LRP6: variants seen among roughly 807,000 people sequenced by gnomAD.
LRP6 encodes LDL receptor related protein 6.
In LRP6, 43 loss-of-function variants were observed where a neutral mutation model predicts 184.1. The observed-to-expected ratio is 0.23, with a 90% CI of 0.18 to 0.30. The LOEUF (loss-of-function observed/expected upper bound fraction) is 0.30. LRP6 is among the 10% of genes least tolerant of loss of function. LRP6 has a pLI of 1.00. For missense variants in LRP6, 1,571 were observed against 2,005.3 expected (o/e 0.78, Z 4.14); for synonymous variants, 719 against 684.9 (o/e 1.05, Z -0.78).
intron 9 of LRP6, 144 bp downstream of exon 9, chr12:12,164,129 A>T (rs988646312): frequency 1.1e-3 from 234 of 219,390 alleles, no homozygotes; most frequent in Middle Eastern, 5.8e-3. Flanking sequence ...GACACCGTTT[A>T]AAAAAAAAAA....
At chr12:12,197,751 A>G (rs1380375482) in intron 3 of LRP6, among the ~76,000 whole-genome samples, 1 of 152,208 alleles carries the variant, frequency 6.6e-6, no homozygotes, top group Non-Finnish European at 1.5e-5. Context: ...TACTATAAGA[A>G]TTAAATTTAT....
In LRP6 at chr12:12,266,755, TTC is replaced by T; in HGVS notation, c.-22_-21del. 4 of 1,609,054 alleles carry T rather than the reference TTC, an allele frequency of 2.5e-6. No individual in the cohort carries two copies. Among genetic ancestry groups the T allele is most frequent in the Non-Finnish European group, 3.4e-6 (4 of 1,177,014 alleles). The stretch of plus-strand genomic sequence containing the variant: ...CCCCATCTTCCCTTCTCGCGTTCTC[TTC>T]TCTCACCGGCGAGGGGTGGCCAGAA... On this transcript the variant is annotated 5_prime_UTR_variant, in exon 1 of 23. Coordinates refer to ENST00000261349, the MANE Select transcript of LRP6 (RefSeq NM_002336.3).
rs906060196 is a variant in LRP6 at position 12,147,288 on chromosome 12, A to G, written c.3397+78T>C. ...ACTGCCAAGAAATGTGCCAAAAACA[A>G]TACGATGCAAGAAAAACACAATAGA... On this transcript the variant is annotated intron_variant, in intron 15 of 22. Coordinates refer to ENST00000261349, the MANE Select transcript of LRP6 (RefSeq NM_002336.3). 3.3e-6 allele frequency: 5 copies of G among 1,510,072 alleles called. No individual in the cohort carries two copies. The African/African-American group carries it at 5.5e-5, about 17-fold the overall frequency. The allele number at this position is 1,510,072 out of a possible 1,614,324, so 93.5% of individuals were successfully genotyped here. A position where few individuals can be genotyped will look rare whatever the true frequency, so the allele number is the denominator to read the frequency against.
chr12:12,131,580 A>G (rs1268176367), intron 18 of LRP6, among the ~76,000 whole-genome samples: 1 of 152,228 alleles, frequency 6.6e-6, no homozygotes, highest in Non-Finnish European at 1.5e-5. Context: ...ATTTTTATAT[A>G]CTGAAGGCCT....
At chr12:12,261,158 C>T (rs1591996487) in intron 1 of LRP6, among the ~76,000 whole-genome samples, 4 of 152,120 alleles carry the variant, frequency 2.6e-5, no homozygotes, top group Admixed American at 2.0e-4. Context: ...CGGTGGCTCA[C>T]GCCTGTAATC....
intron 1 of LRP6, among the ~76,000 whole-genome samples, chr12:12,263,883 C>A (rs914133541): frequency 1.6e-4 from 24 of 151,910 alleles, no homozygotes; most frequent in Admixed American, 1.4e-3. Context: ...GTGGCTCACA[C>A]CTGTAACCTG....
intron 4 of LRP6, among the ~76,000 whole-genome samples, chr12:12,185,450 A>G (rs755982124): frequency 6.7e-6 from 1 of 149,842 alleles, no homozygotes; most frequent in Admixed American, 6.6e-5. Context: ...AACACTTTCA[A>G]TATTTGATTA....
chr12:12,243,690 T>C (rs768121209), intron 2 of LRP6, among the ~76,000 whole-genome samples: 3 of 152,112 alleles, frequency 2.0e-5, no homozygotes, highest in South Asian at 2.1e-4. Context: ...GGCAGAGCGA[T>C]TGATCACTTA....
At chr12:12,202,084 T>C (rs1027577824) in intron 3 of LRP6, among the ~76,000 whole-genome samples, 2 of 152,186 alleles carry the variant, frequency 1.3e-5, no homozygotes, top group African/African-American at 4.8e-5. Context: ...AGAATCCAAA[T>C]ATAAAATGTC....
In LRP6 at chr12:12,165,249, T is replaced by C; in HGVS notation, c.1592A>G (p.Lys531Arg). 1.9e-6 allele frequency: 3 copies of C among 1,614,138 alleles called. No homozygotes were observed. Among genetic ancestry groups the C allele is most frequent in the Non-Finnish European group, 8.5e-7 (1 of 1,179,994 alleles). ...AGTAAATCCAAATATGTGAGGAATT[T>C]TGTCTTCCACTAGTACTCGTCTCCC... Reference protein sequence around the residue: ...GTGRRVLVEDKIPHIFGFTLL... With the variant: ...GTGRRVLVEDRIPHIFGFTLL... The change falls in exon 8 of 23, where the codon AAA becomes AGA. Residue 531 changes from lysine to arginine, a missense_variant. Coordinates refer to ENST00000261349, the MANE Select transcript of LRP6 (RefSeq NM_002336.3).
intron 17 of LRP6, 104 bp downstream of exon 17, chr12:12,135,071 G>A (rs1265483008): frequency 6.5e-7 from 1 of 1,534,654 alleles, no homozygotes; most frequent in South Asian, 1.1e-5. Flanking sequence ...AACCAATTAA[G>A]TTAGTAGACA....
At chr12:12,134,102 T>G (rs974594207) in intron 17 of LRP6, among the ~76,000 whole-genome samples, 3 of 152,216 alleles carry the variant, frequency 2.0e-5, no homozygotes, top group Non-Finnish European at 4.4e-5. Flanking sequence ...CATTATTTAT[T>G]TTTTAAAAAA....
intron 2 of LRP6, among the ~76,000 whole-genome samples, chr12:12,229,382 AAAAAAGAAGAAG>A (rs1393795321): frequency 7.7e-5 from 8 of 104,392 alleles, no homozygotes; most frequent in South Asian, 3.1e-4. Context: ...AAAAAAAAAA[AAAAAAGAAGAAG>A]AAGAAGAATA....
At chr12:12,216,583 C>A (rs1227730953) in intron 2 of LRP6, among the ~76,000 whole-genome samples, 2 of 150,564 alleles carry the variant, frequency 1.3e-5, no homozygotes, top group African/African-American at 4.9e-5. Context: ...GGTAGAATGA[C>A]AGTTGTTCAC....
At chr12:12,146,960 G>A (rs1382466490) in intron 15 of LRP6, among the ~76,000 whole-genome samples, 1 of 152,140 alleles carries the variant, frequency 6.6e-6, no homozygotes, top group Non-Finnish European at 1.5e-5. Flanking sequence ...AGACCATCCT[G>A]GCTAACACGG....
intron 3 of LRP6, among the ~76,000 whole-genome samples, chr12:12,201,488 C>T (rs1591941546): frequency 6.6e-6 from 1 of 152,080 alleles, no homozygotes; most frequent in Non-Finnish European, 1.5e-5. Context: ...GCTATTTTGG[C>T]GTTCCCCTGC....
chr12:12,266,073 T>C (rs565938695), intron 1 of LRP6, among the ~76,000 whole-genome samples: 16 of 152,280 alleles, frequency 1.1e-4, no homozygotes, highest in Non-Finnish European at 1.9e-4. Context: ...TATTATGGGC[T>C]GAAGCTCAGA....
Position 12,219,212 on chromosome 12 carries a change from T to C in LRP6, c.450-15812A>G, listed in dbSNP as rs1864423810. Among the ~76,000 whole-genome samples the C allele has an allele frequency of 2.0e-5, 3 of 152,152 alleles. No individual in the cohort carries two copies. In the South Asian group the frequency reaches 6.2e-4, roughly 32 times the overall value. ...CTGTCTACCCCTTTTTGGTTTTTGT[T>C]TGTTTGTTTTTTGAGACAGTCTCAC... On this transcript the variant is annotated intron_variant, in intron 2 of 22. Transcript: ENST00000261349.
At chr12:12,222,815 G>A (rs1864526219) in intron 2 of LRP6, among the ~76,000 whole-genome samples, 1 of 151,958 alleles carries the variant, frequency 6.6e-6, no homozygotes, top group Admixed American at 6.6e-5. Context: ...CCTTACATTA[G>A]TCTTTATAAC....
Sources: gnomAD v4.1 joint callset for allele counts (sites outside exome capture counted in the v4.1 genomes callset) on GRCh38, gnomAD v4.1.1 for gene constraint, MANE v1.5 for transcripts, NCBI Gene and HGNC (gene_info 2026-07-23, HGNC 2026-07-21) for gene names.